DPYD: variants seen among roughly 807,000 people sequenced by gnomAD.
DPYD encodes dihydropyrimidine dehydrogenase.
In DPYD, 109 loss-of-function variants were observed where a neutral mutation model predicts 116.2. That is an observed-to-expected ratio of 0.94 (90% CI 0.80 to 1.10). DPYD has a LOEUF of 1.10. Among genes scored for constraint, DPYD ranks in the 50% least tolerant of loss-of-function variants. The pLI is 0.00. For synonymous variants in DPYD, 440 were observed against 432.0 expected (o/e 1.02, Z -0.23); for missense variants, 1,302 against 1,254.5 (o/e 1.04, Z -0.57).
At chr1:97,788,645 G>A (rs763824459) in intron 3 of DPYD, among the ~76,000 whole-genome samples, 44 of 152,142 alleles carry the variant, frequency 2.9e-4, no homozygotes, top group Non-Finnish European at 5.9e-4. Flanking sequence ...CTAACATGAA[G>A]TGAGAAAAAA....
intron 8 of DPYD, among the ~76,000 whole-genome samples, chr1:97,605,242 A>G (rs1461628932): frequency 6.6e-6 from 1 of 152,074 alleles, no homozygotes; most frequent in Non-Finnish European, 1.5e-5. Context: ...TCATATCGAT[A>G]TGTGATATGG....
At chr1:97,592,288 G>T (rs533349360) in intron 10 of DPYD, among the ~76,000 whole-genome samples, 1 of 152,260 alleles carries the variant, frequency 6.6e-6, no homozygotes, top group East Asian at 1.9e-4. Flanking sequence ...TGAGAAGTGT[G>T]TAGTACATGT....
intron 20 of DPYD, among the ~76,000 whole-genome samples, chr1:97,190,568 C>T (rs1347269056): frequency 6.6e-6 from 1 of 152,188 alleles, no homozygotes; most frequent in African/African-American, 2.4e-5. Flanking sequence ...GGAATTTGCT[C>T]TTCTTGCAGG....
chr1:97,379,734 T>C (rs376634865), intron 15 of DPYD, among the ~76,000 whole-genome samples: 1 of 152,134 alleles, frequency 6.6e-6, no homozygotes, highest in Non-Finnish European at 1.5e-5. Context: ...GGGCAGGACA[T>C]GCAACTCAAA....
In DPYD at chr1:97,424,751, G is replaced by A. The variant is rs116047172; in HGVS notation, c.1905+25308C>T. 9.2e-3 allele frequency among the ~76,000 whole-genome samples: 1,400 copies of A among 151,948 alleles called. 29 individuals carry two copies. Among genetic ancestry groups the A allele is most frequent in the African/African-American group, 0.032 (1,340 of 41,478 alleles). ...TAAATATTATATTTTGGATTCTTCTGCCCACAGTGAACTGAAAAAAATCCT... is the reference window on the plus strand; with the variant it reads ...TAAATATTATATTTTGGATTCTTCTACCCACAGTGAACTGAAAAAAATCCT... On this transcript the variant is annotated intron_variant, in intron 14 of 22. Coordinates refer to ENST00000370192, the MANE Select transcript of DPYD (RefSeq NM_000110.4).
At chr1:97,347,534 T>G (rs915451830) in intron 16 of DPYD, among the ~76,000 whole-genome samples, 2 of 152,060 alleles carry the variant, frequency 1.3e-5, no homozygotes, top group African/African-American at 4.8e-5. Context: ...GGATTCTGCA[T>G]GTTAACATTT....
intron 14 of DPYD, among the ~76,000 whole-genome samples, chr1:97,444,948 T>G (rs752202891): frequency 4.6e-5 from 7 of 152,148 alleles, no homozygotes; most frequent in Non-Finnish European, 7.3e-5. Flanking sequence ...AATGGACTCT[T>G]TGTGTTCAAT....
chr1:97,540,099 T>C (rs1312803995), intron 12 of DPYD, among the ~76,000 whole-genome samples: 1 of 152,062 alleles, frequency 6.6e-6, no homozygotes, highest in Non-Finnish European at 1.5e-5. Context: ...ACAAGCTGAA[T>C]GTCTTCTAAT....
chr1:97,887,977 G>A (rs973865639), intron 1 of DPYD, among the ~76,000 whole-genome samples: 27 of 151,934 alleles, frequency 1.8e-4, no homozygotes, highest in Admixed American at 9.2e-4. Context: ...GTTCCCTCAC[G>A]CCTCCCCAGA....
intron 3 of DPYD, among the ~76,000 whole-genome samples, chr1:97,748,155 A>C (rs1478671074): frequency 2.6e-5 from 4 of 152,176 alleles, no homozygotes; most frequent in Non-Finnish European, 5.9e-5. Flanking sequence ...ACGGGATTTC[A>C]GAAGAAGGAA....
chr1:97,230,493 G>C (rs922394372), intron 19 of DPYD, among the ~76,000 whole-genome samples: 2 of 152,158 alleles, frequency 1.3e-5, no homozygotes, highest in African/African-American at 4.8e-5. Context: ...GAGGGTGAAG[G>C]ATGGGAGGAG....
At chr1:97,680,357 G>T (rs567788485) in intron 7 of DPYD, among the ~76,000 whole-genome samples, 4 of 152,242 alleles carry the variant, frequency 2.6e-5, no homozygotes, top group African/African-American at 9.6e-5. Context: ...CCACCAGCCT[G>T]TCCCCTGCCA....
chr1:97,436,834 T>A (rs1675497635), intron 14 of DPYD, among the ~76,000 whole-genome samples: 1 of 151,932 alleles, frequency 6.6e-6, no homozygotes, highest in Non-Finnish European at 1.5e-5. Flanking sequence ...GGGTGTTAAT[T>A]GACTGGTAAC....
At chr1:97,090,482 A>G (rs1483886090) in intron 21 of DPYD, among the ~76,000 whole-genome samples, 4 of 152,216 alleles carry the variant, frequency 2.6e-5, no homozygotes, top group Admixed American at 2.6e-4. Flanking sequence ...TTGAAACCTC[A>G]TAAGTACTCA....
At chr1:97,166,975 A>G (rs1185960896) in intron 20 of DPYD, among the ~76,000 whole-genome samples, 3 of 152,174 alleles carry the variant, frequency 2.0e-5, no homozygotes, top group Non-Finnish European at 4.4e-5. Context: ...TATTACCACT[A>G]ATGTTGTTAA....
At chr1:97,287,729 G>A (rs955027455) in intron 18 of DPYD, among the ~76,000 whole-genome samples, 5 of 152,206 alleles carry the variant, frequency 3.3e-5, no homozygotes, top group East Asian at 1.9e-4. Context: ...AGGACCCTCC[G>A]AGCCAGGTGC....
chr1:97,917,250 T>C (rs1674262763), intron 1 of DPYD, among the ~76,000 whole-genome samples: 1 of 152,218 alleles, frequency 6.6e-6, no homozygotes, highest in South Asian at 2.1e-4. Context: ...CATGGCTTTG[T>C]ATAAAGTGGA....
At chr1:97,183,361 T>C (rs1421932624) in intron 20 of DPYD, among the ~76,000 whole-genome samples, 1 of 152,118 alleles carries the variant, frequency 6.6e-6, no homozygotes. Flanking sequence ...TGAAAGGGCT[T>C]TCTTTTCTCC....
chr1:97,909,405 G>A (rs1648599957), intron 1 of DPYD, among the ~76,000 whole-genome samples: 1 of 151,872 alleles, frequency 6.6e-6, no homozygotes, highest in Non-Finnish European at 1.5e-5. Context: ...CTTAATATAT[G>A]TACCTGCTCT....
Sources: allele counts gnomAD v4.1 joint callset (sites outside exome capture counted in the v4.1 genomes callset), GRCh38; gene constraint gnomAD v4.1.1; transcripts MANE v1.5; gene names NCBI Gene and HGNC (gene_info 2026-07-23, HGNC 2026-07-21).